PKP4: variants seen among roughly 807,000 people sequenced by gnomAD.
PKP4 encodes the protein plakophilin 4.
A neutral mutation model predicts 145.1 loss-of-function variants in PKP4; 90 were observed. The ratio of observed to expected loss-of-function variants is 0.62; its 90% CI spans 0.52 to 0.74. The LOEUF is 0.74. Ranked by LOEUF, PKP4 falls within the 30% of genes least tolerant of loss-of-function variation. PKP4 has a pLI of 0.00. For missense variants in PKP4, 1,340 were observed against 1,482.7 expected (o/e 0.90, Z 1.58); for synonymous variants, 563 against 577.2 (o/e 0.98, Z 0.35).
chr2:158,541,948 T>C (rs2044560893), intron 2 of PKP4, among the ~76,000 whole-genome samples: 4 of 152,188 alleles, frequency 2.6e-5, no homozygotes, highest in Admixed American at 2.6e-4. Flanking sequence ...TAATAACTCT[T>C]ACTATTTCAT....
intron 1 of PKP4, among the ~76,000 whole-genome samples, chr2:158,460,084 A>G (rs1175862820): frequency 6.6e-6 from 1 of 152,174 alleles, no homozygotes; most frequent in Non-Finnish European, 1.5e-5. Flanking sequence ...TAAATATCCA[A>G]TTATTTTAAT....
chr2:158,550,926 C>A (rs1033301427), intron 2 of PKP4, among the ~76,000 whole-genome samples: 1 of 152,300 alleles, frequency 6.6e-6, no homozygotes, highest in African/African-American at 2.4e-5. Flanking sequence ...TAAAGATACA[C>A]ATAACAGAGA....
At chr2:158,464,560 A>G (rs2105382380) in intron 1 of PKP4, among the ~76,000 whole-genome samples, 1 of 152,362 alleles carries the variant, frequency 6.6e-6, no homozygotes, top group South Asian at 2.1e-4. Context: ...CTAATGCAAT[A>G]AGCACATTAT....
intron 17 of PKP4, among the ~76,000 whole-genome samples, 168 bp from the exon 18 acceptor site, chr2:158,673,509 T>C (rs972099084): frequency 2.6e-5 from 4 of 152,208 alleles, no homozygotes; most frequent in African/African-American, 9.6e-5. Context: ...CCGAACCTGA[T>C]CGACTCCCAG....
chr2:158,491,053 T>A (rs1559216108), intron 1 of PKP4, among the ~76,000 whole-genome samples: 2 of 152,216 alleles, frequency 1.3e-5, no homozygotes, highest in Non-Finnish European at 2.9e-5. Flanking sequence ...TTAATATTTT[T>A]CACTTAGTTT....
At chr2:158,549,284 A>T (rs2045374088) in intron 2 of PKP4, 1 of 152,538 alleles carries the variant, frequency 6.6e-6, no homozygotes, top group Admixed American at 6.5e-5. Flanking sequence ...CCAAAAATAA[A>T]TTAAGTTTTC....
Position 158,604,880 on chromosome 2 carries a change from G to A in PKP4, c.280+1776G>A, listed in dbSNP as rs577420014. Among the ~76,000 whole-genome samples, 7 of 152,300 alleles carry A rather than the reference G, an allele frequency of 4.6e-5. No homozygotes were observed. The South Asian group carries it at 1.0e-3, about 23-fold the overall frequency. On this transcript the variant is annotated intron_variant, in intron 4 of 21. Coordinates refer to ENST00000389759, the MANE Select transcript of PKP4 (RefSeq NM_003628.6). ...TCAGACATGTGGGCCAGAGTGCTGT[G>A]GATAAGGGACAACTGAGTTAGAGAA... is the stretch of plus-strand genomic sequence containing the variant.
intron 1 of PKP4, among the ~76,000 whole-genome samples, chr2:158,488,445 T>G (rs1456007274): frequency 6.6e-6 from 1 of 152,204 alleles, no homozygotes; most frequent in African/African-American, 2.4e-5. Context: ...TGTGCTCTTT[T>G]TTTATGTTTA....
chr2:158,476,712 GTT>G (rs11346794), intron 1 of PKP4, among the ~76,000 whole-genome samples: 11 of 147,846 alleles, frequency 7.4e-5, no homozygotes, highest in Middle Eastern at 7.0e-3. Flanking sequence ...TTTTAAAATA[GTT>G]TTTTTTTTTT....
chr2:158,642,453 C>G, intron 10 of PKP4, 33 bp from the exon 11 acceptor site: 1 of 1,493,072 alleles, frequency 6.7e-7, no homozygotes, highest in Non-Finnish European at 9.2e-7. Context: ...TTGCATGTTA[C>G]TTAGGCCTGG....
rs553086418 is a variant in PKP4, at chr2:158,535,383, A to G, written c.132+2067A>G. The stretch of plus-strand genomic sequence containing the variant: ...ATGTTGGTCATGTTTTATATCCAAA[A>G]GAGCAATATTCTTAAATGGGATGCA... On this transcript the variant is annotated intron_variant, in intron 2 of 21. Transcript: ENST00000389759. 2.0e-5 allele frequency among the ~76,000 whole-genome samples: 3 copies of G among 152,306 alleles called. No homozygotes were observed. The East Asian group carries it at 5.8e-4, about 29-fold the overall frequency.
At position 158,680,533 on chromosome 2, in the gene PKP4, T is replaced by G. The variant is rs761549120; in HGVS notation, c.3435T>G (p.Asp1145Glu). The change falls in exon 22 of 22, where the codon GAT (aspartate) becomes GAG (glutamate). Residue 1145 changes from aspartate (D) to glutamate (E), a missense_variant. Physicochemically the swap from Asp to Glu is conservative, Grantham distance 45. Coordinates refer to ENST00000389759, the MANE Select transcript of PKP4 (RefSeq NM_003628.6). ...SPHSYEDPYF[D>E]DRVHFPASTD... ...ATAGCTATGAAGATCCTTATTTTGA[T>G]GACCGAGTTCACTTTCCAGCTTCTA... is the stretch of plus-strand genomic sequence containing the variant. The G allele has an allele frequency of 1.2e-6, 2 of 1,614,066 alleles. No individual in the cohort carries two copies. The highest frequency in any genetic ancestry group is 1.7e-6 in the Non-Finnish European group (2 of 1,180,008).
chr2:158,667,062 G>A (rs1168605733), intron 16 of PKP4, among the ~76,000 whole-genome samples: 2 of 152,186 alleles, frequency 1.3e-5, no homozygotes, highest in Non-Finnish European at 2.9e-5. Context: ...GGACTAGGGT[G>A]AGCTAAGCAA....
chr2:158,557,743 G>A (rs2046214066), intron 2 of PKP4, among the ~76,000 whole-genome samples: 1 of 152,196 alleles, frequency 6.6e-6, no homozygotes, highest in Non-Finnish European at 1.5e-5. Flanking sequence ...CTTAGGTTTA[G>A]ATCCAAGGAG....
intron 4 of PKP4, among the ~76,000 whole-genome samples, chr2:158,609,227 G>GT (rs1338950545): frequency 2.0e-5 from 3 of 151,650 alleles, no homozygotes; most frequent in Non-Finnish European, 2.9e-5. Context: ...TTTGACAATT[G>GT]TTTTTTTTCT....
intron 8 of PKP4, among the ~76,000 whole-genome samples, chr2:158,633,864 G>A (rs1372831907): frequency 6.6e-6 from 1 of 151,980 alleles, no homozygotes; most frequent in African/African-American, 2.4e-5. Flanking sequence ...GCTGTTTCTT[G>A]CTAAAAAATT....
chr2:158,556,424 T>TTAGA (rs2046094240), intron 2 of PKP4, among the ~76,000 whole-genome samples: 1 of 152,170 alleles, frequency 6.6e-6, no homozygotes, highest in South Asian at 2.1e-4. Flanking sequence ...TCTTTCTCAA[T>TTAGA]TAGATATATT....
At chr2:158,588,164 A>G (rs1574644090) in intron 3 of PKP4, 1 of 152,178 alleles carries the variant, frequency 6.6e-6, no homozygotes, top group East Asian at 1.9e-4. Context: ...GATTCTGGAA[A>G]ATATATAATG....
chr2:158,634,007 C>G, intron 8 of PKP4, 63 bp from the exon 9 acceptor site: 1 of 870,486 alleles, frequency 1.1e-6, no homozygotes, highest in Non-Finnish European at 1.8e-6. Context: ...AATGTTTTAC[C>G]TTTAATTAAA....
Sources: gnomAD v4.1 joint callset for allele counts (sites outside exome capture counted in the v4.1 genomes callset) on GRCh38, gnomAD v4.1.1 for gene constraint, MANE v1.5 for transcripts, NCBI Gene and HGNC (gene_info 2026-07-23, HGNC 2026-07-21) for gene names.